SCAF8: variants seen among roughly 807,000 people sequenced by gnomAD.
SCAF8 encodes SR-related CTD associated factor 8, also known as SR-related and CTD-associated factor 8.
A neutral mutation model predicts 140.5 loss-of-function variants in SCAF8; 23 were observed. The ratio of observed to expected loss-of-function variants is 0.16; its 90% CI spans 0.12 to 0.23. The LOEUF (loss-of-function observed/expected upper bound fraction) is 0.23. SCAF8 is among the 10% of genes least tolerant of loss of function. The probability of loss-of-function intolerance (pLI) is 1.00; values close to 1 mark genes in which losing one functional copy is unlikely to be tolerated. For synonymous variants in SCAF8, 575 were observed against 528.9 expected, an observed-to-expected ratio of 1.09 and a Z score of -1.20; for missense variants, 1,397 against 1,555.7, an observed-to-expected ratio of 0.90 and a Z score of 1.72.
chr6:154,774,075 G>A lies in SCAF8; in HGVS notation c.114+3G>A, dbSNP rs1776850132. On this transcript the variant is annotated splice_donor_region_variant and intron_variant, in intron 2 of 19. Transcript: ENST00000367178. Reference sequence around the variant, plus strand: ...AGGCAGCCATCAAAGCTATTAAGGTGAGTAATAAATTTTACTCTTCTATTT... The same window carrying A: ...AGGCAGCCATCAAAGCTATTAAGGTAAGTAATAAATTTTACTCTTCTATTT... 1.5e-5 allele frequency: 24 copies of A among 1,589,148 alleles called. No individual in the cohort carries two copies. The highest frequency in any genetic ancestry group is 1.9e-5 in the Non-Finnish European group (22 of 1,159,606).
In SCAF8 at chr6:154,818,515, G is replaced by C. The variant is rs1440141283; in HGVS notation, c.1558G>C (p.Val520Leu). ...PPRGCAYVCM[V>L]HRQDAFRALQ... ...CCGGGGCTGTGCTTATGTCTGCATG[G>C]TTCATCGACAAGATGCATTTCGAGC... Residue 520 changes from valine (V) to leucine (L), a missense_variant, in exon 14 of 20, where the codon GTT (valine) becomes CTT (leucine). By Grantham distance (32) the Val-to-Leu change is conservative. Around this residue, in one of 5 missense-constraint regions of SCAF8, gnomAD observed 59 missense variants for 110.7 expected, o/e 0.53. Transcript: ENST00000367178. 5.6e-6 allele frequency: 9 copies of C among 1,609,726 alleles called. No homozygotes were observed. The highest frequency in any genetic ancestry group is 7.6e-6 in the Non-Finnish European group (9 of 1,178,082).
In SCAF8 at chr6:154,833,499, A is replaced by C; in HGVS notation, c.*104A>C. The stretch of plus-strand genomic sequence containing the variant: ...TTGTTCACTTTTGTCTGCCAGAATT[A>C]AGTTAATCTGATGTTCATGTTCACC... On this transcript the variant is annotated 3_prime_UTR_variant, in exon 20 of 20. Transcript: ENST00000367178. 9.3e-7 allele frequency: 1 copy of C among 1,073,772 alleles called. No homozygotes were observed. Among genetic ancestry groups the C allele is most frequent in the Middle Eastern group, 2.5e-4 (1 of 3,960 alleles). The allele number at this position is 1,073,772 out of a possible 1,614,324, so 66.5% of individuals were successfully genotyped here.
At chr6:154,775,902 A>G (rs548277837) in intron 2 of SCAF8, among the ~76,000 whole-genome samples, 109 of 152,278 alleles carry the variant, frequency 7.2e-4, no homozygotes, top group African/African-American at 1.2e-3. Flanking sequence ...TTCTTCCCTT[A>G]GATTTGCTGA....
At chr6:154,815,275 C>T (rs997653665) in intron 12 of SCAF8, among the ~76,000 whole-genome samples, 3 of 151,612 alleles carry the variant, frequency 2.0e-5, no homozygotes, top group Admixed American at 6.6e-5. Flanking sequence ...CCAGCCTGGG[C>T]GACAGAGTGA....
At chr6:154,760,713 G>GT (rs11293925) in intron 1 of SCAF8, among the ~76,000 whole-genome samples, 35 of 151,708 alleles carry the variant, frequency 2.3e-4, no homozygotes, top group African/African-American at 2.4e-4. Context: ...TTTTCTTTGT[G>GT]TTTTTTTTGT....
At chr6:154,766,768 G>T (rs1451769736) in intron 1 of SCAF8, among the ~76,000 whole-genome samples, 1 of 138,518 alleles carries the variant, frequency 7.2e-6, no homozygotes, top group Non-Finnish European at 1.5e-5. Context: ...ACACAGTTTT[G>T]CCCAGCAGGA....
chr6:154,800,517 G>C (rs1387125532), intron 6 of SCAF8, among the ~76,000 whole-genome samples: 1 of 151,512 alleles, frequency 6.6e-6, no homozygotes, highest in Admixed American at 6.6e-5. Context: ...CATTTGCTAA[G>C]CAATGGGGAA....
intron 1 of SCAF8, among the ~76,000 whole-genome samples, chr6:154,761,397 A>C (rs1776395341): frequency 6.6e-6 from 1 of 151,766 alleles, no homozygotes; most frequent in Admixed American, 6.6e-5. Context: ...GAGGCAGGAG[A>C]ATTGCTTGAA....
At chr6:154,757,695 A>G (rs1779000829) in intron 1 of SCAF8, among the ~76,000 whole-genome samples, 1 of 152,186 alleles carries the variant, frequency 6.6e-6, no homozygotes, top group African/African-American at 2.4e-5. Flanking sequence ...GATTGATGGA[A>G]AGATAGGAGG....
At chr6:154,759,882 A>C (rs1159945821) in intron 1 of SCAF8, among the ~76,000 whole-genome samples, 1 of 152,014 alleles carries the variant, frequency 6.6e-6, no homozygotes, top group Non-Finnish European at 1.5e-5. Flanking sequence ...ATCAAGCCAG[A>C]ATAGTCTTGA....
In SCAF8 at chr6:154,820,803, C is replaced by T. The variant is rs568075994; in HGVS notation, c.1792+470C>T. Reference sequence around the variant, plus strand: ...GATGCCTTTTACAATACCAAATAATCATCAGCCTGCTTTTTTTTAATCCCC... The same window carrying T: ...GATGCCTTTTACAATACCAAATAATTATCAGCCTGCTTTTTTTTAATCCCC... On this transcript the variant is annotated intron_variant, in intron 15 of 19. Transcript: ENST00000367178. 2.6e-5 allele frequency among the ~76,000 whole-genome samples: 4 copies of T among 152,172 alleles called. No individual in the cohort carries two copies. In the South Asian group the frequency reaches 8.3e-4, roughly 32 times the overall value.
chr6:154,783,549 T>TA (rs1284871671), intron 3 of SCAF8, among the ~76,000 whole-genome samples: 1 of 152,228 alleles, frequency 6.6e-6, no homozygotes, highest in Non-Finnish European at 1.5e-5. Context: ...ATTTTCAAGT[T>TA]ACATTTACTT....
chr6:154,831,703 TAAAAAAAAAAAAAAAAAAAAAAAAAAAAA>T (rs58013583), intron 19 of SCAF8, among the ~76,000 whole-genome samples: 2,136 of 48,184 alleles, frequency 0.044, 104 homozygotes, highest in African/African-American at 0.14. Flanking sequence ...CTCCTGTTCT[TAAAAAAAAAAAAAAAAAAAAAAAAAAAAA>T]AAAAAAAAAA....
At position 154,833,155 on chromosome 6, in the gene SCAF8, T is replaced by C. The variant is rs1778802068; in HGVS notation, c.3576T>C (p.His1192=). 6.2e-7 allele frequency: 1 copy of C among 1,614,130 alleles called. No homozygotes were observed. Among genetic ancestry groups the C allele is most frequent in the African/African-American group, 1.3e-5 (1 of 75,052 alleles). ...AAAACACTTGGGTTCCCCCTCCTCA[T>C]GCTCGGGTTTTTGATTATTTTGAAG... is the stretch of plus-strand genomic sequence containing the variant. The part of the protein sequence containing the change: ...RIQNTWVPPP[H]ARVFDYFEGA... Residue 1192 remains histidine, a synonymous_variant, in exon 20 of 20, where the codon CAT becomes CAC. Coordinates refer to ENST00000367178, the MANE Select transcript of SCAF8 (RefSeq NM_014892.5).
intron 1 of SCAF8, 150 bp downstream of exon 1, chr6:154,734,080 C>T: frequency 2.6e-5 from 33 of 1,261,890 alleles, no homozygotes; most frequent in Non-Finnish European, 3.2e-5. Flanking sequence ...AGGGGTGTTT[C>T]TCCTCTGGGT....
At chr6:154,743,133 A>G (rs568295021) in intron 1 of SCAF8, among the ~76,000 whole-genome samples, 1 of 152,252 alleles carries the variant, frequency 6.6e-6, no homozygotes, top group East Asian at 1.9e-4. Context: ...CTTCTTTGCT[A>G]GGGACTATGT....
intron 1 of SCAF8, among the ~76,000 whole-genome samples, chr6:154,761,643 C>T (rs1776405642): frequency 6.6e-6 from 1 of 152,140 alleles, no homozygotes; most frequent in Admixed American, 6.5e-5. Context: ...TTGGCCTGTG[C>T]TGTTTATCTT....
chr6:154,822,226 T>G, intron 15 of SCAF8, 50 bp from the exon 16 acceptor site: 1 of 1,552,494 alleles, frequency 6.4e-7, no homozygotes, highest in South Asian at 1.2e-5. Context: ...AAGAAGAAAA[T>G]GAAAAGTTGC....
rs751845739 is a variant in SCAF8, at chr6:154,751,737, A to G, written c.30+17807A>G. Among the ~76,000 whole-genome samples the G allele has an allele frequency of 4.6e-5, 7 of 152,042 alleles. No homozygotes were observed. The South Asian group carries it at 1.5e-3, about 32-fold the overall frequency. Reference sequence around the variant, plus strand: ...ATTTATTGAGTGTGATCTTGGTAGTATTTATGTTTGGTGGAGGGAGGAGAG... The same window carrying G: ...ATTTATTGAGTGTGATCTTGGTAGTGTTTATGTTTGGTGGAGGGAGGAGAG... On this transcript the variant is annotated intron_variant, in intron 1 of 19. Transcript: ENST00000367178.
Sources: allele counts gnomAD v4.1 joint callset (sites outside exome capture counted in the v4.1 genomes callset), GRCh38; gene constraint gnomAD v4.1.1; regional missense constraint gnomAD v4.1.1; transcripts MANE v1.5; gene names NCBI Gene and HGNC (gene_info 2026-07-23, HGNC 2026-07-21).